Variants in PCNT observed in about 807,000 individuals in gnomAD.
PCNT encodes pericentrin, also known as kendrin.
PCNT carries 319 observed loss-of-function variants against 380.4 expected under a neutral mutation model. That is an observed-to-expected ratio of 0.84 (90% CI 0.77 to 0.92). The LOEUF (loss-of-function observed/expected upper bound fraction) is 0.92, where lower values mean the gene tolerates loss of function less well. PCNT is among the 40% of genes least tolerant of loss of function. The pLI, the probability that PCNT is intolerant of heterozygous loss-of-function variation, is 0.00. For synonymous variants in PCNT, 1,845 were observed against 1,735.2 expected, an observed-to-expected ratio of 1.06 and a Z score of -1.57; for missense variants, 4,400 against 4,255.3, an observed-to-expected ratio of 1.03 and a Z score of -0.95.
chr21:46,385,687 G>T, intron 16 of PCNT, 145 bp from the exon 17 acceptor site: 1 of 868,176 alleles, frequency 1.2e-6, no homozygotes. Flanking sequence ...ACGTGCCGAA[G>T]TGCCTGCTCC....
rs774226236 is a variant in PCNT, at chr21:46,428,447, G to C, written c.7547G>C (p.Ser2516Thr). 6.2e-7 allele frequency: 1 copy of C among 1,612,536 alleles called. No homozygotes were observed. Among genetic ancestry groups the C allele is most frequent in the Non-Finnish European group, 8.5e-7 (1 of 1,179,888 alleles). Reference sequence around the variant, plus strand: ...CATCTTCGCTTGCCGGACCGGAGCAGCCTGCTGTCCGAGATCCAGGCGCTG... The same window carrying C: ...CATCTTCGCTTGCCGGACCGGAGCACCCTGCTGTCCGAGATCCAGGCGCTG... ...LEHLRLPDRS[S>T]LLSEIQALRA... Residue 2516 changes from serine (S) to threonine (T), a missense_variant, in exon 35 of 47, where the codon AGC becomes ACC. By Grantham distance (58) the Ser-to-Thr change is moderately conservative. Transcript: ENST00000359568.
intron 27 of PCNT, among the ~76,000 whole-genome samples, chr21:46,403,099 G>A (rs1302509963): frequency 1.3e-5 from 2 of 152,248 alleles, no homozygotes; most frequent in African/African-American, 2.4e-5. Flanking sequence ...AGAATCGTGT[G>A]TGTGGTGCCC....
intron 27 of PCNT, among the ~76,000 whole-genome samples, chr21:46,409,014 G>T (rs1362160295): frequency 1.3e-5 from 2 of 151,892 alleles, no homozygotes; most frequent in Admixed American, 6.6e-5. Context: ...ATGAGCCACC[G>T]TGCCCCACCT....
At chr21:46,415,365 ATTTTTTTTTTTTTTTT>A (rs35983555) in intron 29 of PCNT, among the ~76,000 whole-genome samples, 1 of 65,284 alleles carries the variant, frequency 1.5e-5, no homozygotes, top group East Asian at 5.7e-4. Flanking sequence ...GTTTCTTTGA[ATTTTTTTTTTTTTTTT>A]TTTTTTTTTT....
intron 21 of PCNT, among the ~76,000 whole-genome samples, chr21:46,394,303 CTT>C (rs1433892855): frequency 3.3e-5 from 5 of 152,292 alleles, no homozygotes; most frequent in Middle Eastern, 6.8e-3. Flanking sequence ...CTTTTGTTCT[CTT>C]TGTCTCCTTG....
intron 2 of PCNT, among the ~76,000 whole-genome samples, chr21:46,328,042 T>C (rs2083445080): frequency 2.0e-5 from 3 of 152,234 alleles, no homozygotes; most frequent in African/African-American, 7.2e-5. Context: ...TCCCTGCTGC[T>C]GCAGCAGAAT....
chr21:46,416,643 TC>T lies in PCNT; in HGVS notation c.6729del (p.Val2244Ter). On this transcript the variant is annotated frameshift_variant, in exon 30 of 47. Transcript: ENST00000359568. LOFTEE classifies it high-confidence loss of function. Reference sequence around the variant, plus strand: ...TGGACCCTGGAGCCCTGGCCCAGCCTCCCCGTGACACCCCACTCAGGAGCCC... The same window carrying T: ...TGGACCCTGGAGCCCTGGCCCAGCCTCCCGTGACACCCCACTCAGGAGCCC... ...KDWTLEPWPSLPVTPHSGALS... is the reference protein window; with the variant it reads ...KDWTLEPWPSXPVTPHSGALS... The T allele has an allele frequency of 1.3e-6, 2 of 1,565,836 alleles. No homozygotes were observed. The highest frequency in any genetic ancestry group is 1.4e-5 in the African/African-American group (1 of 73,624).
chr21:46,324,739 G>C (rs1041676469), intron 1 of PCNT: 18 of 337,340 alleles, frequency 5.3e-5, no homozygotes, highest in Non-Finnish European at 7.2e-5. Context: ...GGCCTGGGGC[G>C]GGCGGCCGGT....
chr21:46,402,426 G>T lies in PCNT; in HGVS notation c.5058G>T (p.Gln1686His), dbSNP rs145665841. 13 of 1,613,874 alleles carry T rather than the reference G, an allele frequency of 8.1e-6. No homozygotes were observed. In the African/African-American group the frequency reaches 1.7e-4, roughly 22 times the overall value. ...ATCTGAACTTAAAATTGGACATGCAGAACAGCCAGACTGCTGTCAGCCTCA... is the reference window on the plus strand; with the variant it reads ...ATCTGAACTTAAAATTGGACATGCATAACAGCCAGACTGCTGTCAGCCTCA... ...ILHLNLKLDM[Q>H]NSQTAVSLRE... The change falls in exon 27 of 47, where the codon CAG (glutamine) becomes CAT (histidine). Residue 1686 changes from glutamine to histidine, a missense_variant. Gln to His is a conservative substitution (Grantham distance 24). Coordinates refer to ENST00000359568, the MANE Select transcript of PCNT (RefSeq NM_006031.6).
intron 31 of PCNT, among the ~76,000 whole-genome samples, chr21:46,421,355 G>A (rs1297395289): frequency 6.6e-6 from 1 of 152,204 alleles, no homozygotes; most frequent in Admixed American, 6.5e-5. Flanking sequence ...CCTCGTCTGG[G>A]TCTCGTGTCC....
At chr21:46,380,755 A>G (rs750315357) in intron 15 of PCNT, among the ~76,000 whole-genome samples, 6 of 152,212 alleles carry the variant, frequency 3.9e-5, no homozygotes, top group Non-Finnish European at 7.3e-5. Flanking sequence ...CTCTGAAAAC[A>G]CTGGTTTTGA....
At chr21:46,408,973 C>G (rs2086700169) in intron 27 of PCNT, among the ~76,000 whole-genome samples, 1 of 151,876 alleles carries the variant, frequency 6.6e-6, no homozygotes, top group African/African-American at 2.4e-5. Context: ...ACCCACCTGC[C>G]TCGGCTTCCC....
rs2053562940 is a variant in PCNT, at chr21:46,439,952, G to T, written c.9274-131G>T. On this transcript the variant is annotated intron_variant, in intron 41 of 46. Coordinates refer to ENST00000359568, the MANE Select transcript of PCNT (RefSeq NM_006031.6). Reference sequence around the variant, plus strand: ...TGAGGGGGTGCTGAAGTTGAGGAGGGGCCAGGTGTGGTGTGGTCAGCCTGG... The same window carrying T: ...TGAGGGGGTGCTGAAGTTGAGGAGGTGCCAGGTGTGGTGTGGTCAGCCTGG... The T allele has an allele frequency of 5.8e-6, 6 of 1,038,190 alleles. No homozygotes were observed. In the Admixed American group the frequency reaches 1.0e-4, roughly 18 times the overall value. The allele number at this position is 1,038,190 out of a possible 1,614,324, so 64.3% of individuals were successfully genotyped here.
At chr21:46,329,923 A>G (rs1403619581) in intron 2 of PCNT, among the ~76,000 whole-genome samples, 1 of 152,200 alleles carries the variant, frequency 6.6e-6, no homozygotes, top group African/African-American at 2.4e-5. Flanking sequence ...TTCATCTCAC[A>G]TCGTCATCCT....
Position 46,416,292 on chromosome 21 carries a change from A to G in PCNT, c.6374A>G (p.His2125Arg). 2 of 1,613,914 alleles carry G rather than the reference A, an allele frequency of 1.2e-6. No homozygotes were observed. Among genetic ancestry groups the G allele is most frequent in the Non-Finnish European group, 1.7e-6 (2 of 1,179,966 alleles). Residue 2125 changes from histidine to arginine, a missense_variant, in exon 30 of 47, where the codon CAC (histidine) becomes CGC (arginine). Transcript: ENST00000359568. ...GGAGAAGAGCCTGACATATCACCCCACATAGACACATGTGATGCCAATACA... is the reference window on the plus strand; with the variant it reads ...GGAGAAGAGCCTGACATATCACCCCGCATAGACACATGTGATGCCAATACA... ...CDGEEPDISP[H>R]IDTCDANTAT...
At chr21:46,363,122 G>T (rs369047718) in intron 13 of PCNT, among the ~76,000 whole-genome samples, 2 of 152,310 alleles carry the variant, frequency 1.3e-5, no homozygotes, top group East Asian at 3.9e-4. Context: ...GCCTGCGGCC[G>T]ATCTGAGTCC....
intron 10 of PCNT, 43 bp from the exon 11 acceptor site, chr21:46,353,944 A>G (rs1318412019): frequency 4.0e-6 from 6 of 1,511,144 alleles, no homozygotes; most frequent in Non-Finnish European, 5.5e-6. Flanking sequence ...CACATGGAAA[A>G]GGGGTACGTG....
At chr21:46,331,986 C>A (rs548983945) in intron 2 of PCNT, among the ~76,000 whole-genome samples, 25 of 152,172 alleles carry the variant, frequency 1.6e-4, no homozygotes, top group Non-Finnish European at 3.2e-4. Context: ...GTGGTGAAAC[C>A]CCATCTCTAC....
At chr21:46,396,164 C>G (rs1358387378) in intron 21 of PCNT, among the ~76,000 whole-genome samples, 1 of 152,234 alleles carries the variant, frequency 6.6e-6, no homozygotes, top group Non-Finnish European at 1.5e-5. Context: ...GCTTTTTCAT[C>G]TGCAGTTTCC....
Sources: gnomAD v4.1 joint callset for allele counts (sites outside exome capture counted in the v4.1 genomes callset) on GRCh38, gnomAD v4.1.1 for gene constraint, MANE v1.5 for transcripts, NCBI Gene and HGNC (gene_info 2026-07-23, HGNC 2026-07-21) for gene names.